The following ESRRG variants were observed in gnomAD, a reference collection of about 807,000 sequenced individuals.
ESRRG encodes the protein estrogen-related receptor gamma.
A neutral mutation model predicts 44.0 loss-of-function variants in ESRRG; 13 were observed. The ratio of observed to expected loss-of-function variants is 0.30; its 90% CI spans 0.19 to 0.47. The LOEUF (loss-of-function observed/expected upper bound fraction) is 0.47. ESRRG is among the 20% of genes least tolerant of loss of function. The probability of loss-of-function intolerance (pLI) is 1.00; values close to 1 mark genes in which losing one functional copy is unlikely to be tolerated. For synonymous variants in ESRRG, 215 were observed against 214.6 expected, an observed-to-expected ratio of 1.00 and a Z score of -0.02; for missense variants, 395 against 580.6, an observed-to-expected ratio of 0.68 and a Z score of 3.29.
intron 2 of ESRRG, among the ~76,000 whole-genome samples, chr1:216,807,406 A>AT (rs1286330143): frequency 6.6e-6 from 1 of 152,150 alleles, no homozygotes; most frequent in Non-Finnish European, 1.5e-5. Context: ...TCACATTGCT[A>AT]TTTTTGGATC....
At chr1:216,619,199 C>A (rs1309425189) in intron 3 of ESRRG, among the ~76,000 whole-genome samples, 2 of 152,056 alleles carry the variant, frequency 1.3e-5, no homozygotes, top group Non-Finnish European at 2.9e-5. Flanking sequence ...GTATGTGTGT[C>A]CATGCTTAAG....
At chr1:217,126,114 T>C (rs1411209165) in intron 1 of ESRRG, among the ~76,000 whole-genome samples, 1 of 152,166 alleles carries the variant, frequency 6.6e-6, no homozygotes, top group Non-Finnish European at 1.5e-5. Flanking sequence ...GAGTCTCAGC[T>C]CTGCATCCAG....
intron 2 of ESRRG, among the ~76,000 whole-genome samples, chr1:216,654,708 C>A: frequency 1.4e-5 from 2 of 147,480 alleles, no homozygotes; most frequent in African/African-American, 2.5e-5. Flanking sequence ...AAAAGTGTGG[C>A]AAAAGGGGAA....
chr1:216,621,329 A>G (rs915030817), intron 3 of ESRRG, among the ~76,000 whole-genome samples: 5 of 152,218 alleles, frequency 3.3e-5, no homozygotes, highest in African/African-American at 1.2e-4. Context: ...TGTGCTTAAA[A>G]GAATTTTGAC....
intron 2 of ESRRG, among the ~76,000 whole-genome samples, chr1:216,914,261 C>T (rs1354504791): frequency 6.6e-6 from 1 of 152,088 alleles, no homozygotes; most frequent in Non-Finnish European, 1.5e-5. Flanking sequence ...GTAATGTTTC[C>T]TGAAGAGGAA....
chr1:216,846,846 T>C (rs904832001), intron 2 of ESRRG, among the ~76,000 whole-genome samples: 3 of 152,032 alleles, frequency 2.0e-5, no homozygotes, highest in Non-Finnish European at 4.4e-5. Flanking sequence ...TATTTGACAT[T>C]CCCCTTATGT....
Position 216,933,314 on chromosome 1 carries a change from C to A in ESRRG, c.-14+6268G>T, listed in dbSNP as rs1482676561. Among the ~76,000 whole-genome samples the A allele has an allele frequency of 2.0e-5, 3 of 152,106 alleles. No homozygotes were observed. The East Asian group carries it at 5.8e-4, about 29-fold the overall frequency. ...ATTGGCCTAATTTAATGAGATGGAG[C>A]CACTTTTCTAATGTAGCCCTGCCTT... On this transcript the variant is annotated intron_variant, in intron 2 of 7. Coordinates refer to the ESRRG transcript ENST00000359162.
At chr1:216,738,932 G>T (rs998676662) in intron 2 of ESRRG, among the ~76,000 whole-genome samples, 1 of 152,138 alleles carries the variant, frequency 6.6e-6, no homozygotes, top group East Asian at 1.9e-4. Context: ...GCTTTCTGCA[G>T]CTTCAAACTT....
chr1:217,007,137 G>A (rs1205205502), intron 1 of ESRRG, among the ~76,000 whole-genome samples: 1 of 152,102 alleles, frequency 6.6e-6, no homozygotes, highest in Non-Finnish European at 1.5e-5. Context: ...CTCACAATGA[G>A]AGCAAAAGGA....
intron 1 of ESRRG, among the ~76,000 whole-genome samples, chr1:217,065,259 G>A (rs2151392161): frequency 6.6e-6 from 1 of 152,330 alleles, no homozygotes; most frequent in East Asian, 1.9e-4. Context: ...AAGGTAAAAT[G>A]TCTAGCTATG....
At chr1:217,107,691 ACT>A (rs1398962749) in intron 1 of ESRRG, among the ~76,000 whole-genome samples, 1 of 151,786 alleles carries the variant, frequency 6.6e-6, no homozygotes, top group East Asian at 1.9e-4. Context: ...TGTATGAAAA[ACT>A]CTTCTAAAAT....
At position 216,889,704 on chromosome 1, in the gene ESRRG, C is replaced by T. The variant is rs115895287; in HGVS notation, c.-14+49878G>A. Among the ~76,000 whole-genome samples, 1,153 of 152,102 alleles carry T rather than the reference C, an allele frequency of 7.6e-3. 14 individuals carry two copies. Among genetic ancestry groups the T allele is most frequent in the African/African-American group, 0.027 (1,117 of 41,506 alleles). On this transcript the variant is annotated intron_variant, in intron 2 of 7. Coordinates refer to the ESRRG transcript ENST00000359162. ...TTTAACATTTTTTTTGTTTTGTTTG[C>T]CAACAGTATTTCTCAGTGGGTAGGA... is the stretch of plus-strand genomic sequence containing the variant.
chr1:216,629,964 G>T (rs1033951239), intron 3 of ESRRG, among the ~76,000 whole-genome samples: 4 of 151,992 alleles, frequency 2.6e-5, no homozygotes, highest in African/African-American at 9.7e-5. Flanking sequence ...AAGAAAAAGG[G>T]CCACATATAC....
intron 1 of ESRRG, among the ~76,000 whole-genome samples, chr1:217,121,214 G>A (rs551322865): frequency 3.9e-4 from 59 of 152,022 alleles, no homozygotes; most frequent in African/African-American, 1.2e-3. Flanking sequence ...TTCTGAAATC[G>A]CTCAGTATAA....
intron 5 of ESRRG, among the ~76,000 whole-genome samples, chr1:216,560,821 G>A (rs1277473508): frequency 1.3e-5 from 2 of 152,146 alleles, no homozygotes; most frequent in Non-Finnish European, 1.5e-5. Flanking sequence ...GTTAGCATGC[G>A]CTTATCCGAG....
intron 1 of ESRRG, among the ~76,000 whole-genome samples, chr1:216,968,628 A>G (rs7528581): frequency 0.023 from 3,450 of 150,590 alleles, 98 homozygotes; most frequent in African/African-American, 0.068. Context: ...CACTGTCTTG[A>G]TTACTGTAGC....
At chr1:216,625,627 C>G (rs1056415666) in intron 3 of ESRRG, among the ~76,000 whole-genome samples, 6 of 152,062 alleles carry the variant, frequency 3.9e-5, no homozygotes, top group Non-Finnish European at 7.4e-5. Context: ...CTGCTCAACT[C>G]CAAATTCCAT....
chr1:216,821,736 A>G (rs2095300140), intron 2 of ESRRG, among the ~76,000 whole-genome samples: 1 of 147,210 alleles, frequency 6.8e-6, no homozygotes, highest in Admixed American at 6.8e-5. Flanking sequence ...AAATAAATAA[A>G]TAAATAAAAT....
At chr1:216,998,283 T>C (rs2076613090) in intron 1 of ESRRG, among the ~76,000 whole-genome samples, 1 of 152,150 alleles carries the variant, frequency 6.6e-6, no homozygotes, top group African/African-American at 2.4e-5. Context: ...TGTCTATGAT[T>C]CTCTACTTCT....
Sources: allele counts gnomAD v4.1 joint callset (sites outside exome capture counted in the v4.1 genomes callset), GRCh38; gene constraint gnomAD v4.1.1; transcripts MANE v1.5; gene names NCBI Gene and HGNC (gene_info 2026-07-23, HGNC 2026-07-21).